KANK1: variants seen among roughly 807,000 people sequenced by gnomAD.
The protein encoded by KANK1 is KN motif and ankyrin repeat domain-containing protein 1.
Under a neutral mutation model 106.2 loss-of-function variants are expected in KANK1, and 109 were observed. The ratio of observed to expected loss-of-function variants is 1.03; its 90% CI spans 0.88 to 1.20. The LOEUF (loss-of-function observed/expected upper bound fraction) is 1.20, where lower values mean the gene tolerates loss of function less well. Ranked by LOEUF, KANK1 falls within the 50% of genes most tolerant of loss-of-function variation. The pLI is 0.00. For missense variants in KANK1, 2,399 were observed against 1,710.7 expected, an observed-to-expected ratio of 1.40 and a Z score of -7.10; for synonymous variants, 873 against 652.2, an observed-to-expected ratio of 1.34 and a Z score of -5.16.
chr9:641,610 G>A (rs986490972), intron 1 of KANK1, among the ~76,000 whole-genome samples: 3 of 152,170 alleles, frequency 2.0e-5, no homozygotes, highest in African/African-American at 7.2e-5. Context: ...AATCCTAACT[G>A]CAAGGAAGCG....
chr9:744,920 A>G (rs566169436), intron 11 of KANK1: 2 of 1,424,128 alleles, frequency 1.4e-6, no homozygotes, highest in East Asian at 2.6e-5. Flanking sequence ...CCTGAAGCAG[A>G]TGGCAGGCAG....
intron 2 of KANK1, chr9:684,420 A>C: frequency 1.0e-6 from 1 of 985,418 alleles, no homozygotes; most frequent in Non-Finnish European, 1.2e-6. Context: ...AAACACATAC[A>C]AAATAAACAC....
intron 1 of KANK1, among the ~76,000 whole-genome samples, chr9:527,488 A>G (rs750667761): frequency 5.9e-5 from 9 of 151,376 alleles, no homozygotes; most frequent in Non-Finnish European, 1.0e-4. Context: ...TTTGGTAGAG[A>G]TGGGGTTTCA....
intron 1 of KANK1, among the ~76,000 whole-genome samples, chr9:574,562 A>G (rs1274313053): frequency 6.6e-6 from 1 of 152,116 alleles, no homozygotes; most frequent in Non-Finnish European, 1.5e-5. Context: ...AATGTTTGAA[A>G]ATATTCTTTC....
At chr9:596,062 A>G (rs531395047) in intron 1 of KANK1, among the ~76,000 whole-genome samples, 10 of 151,924 alleles carry the variant, frequency 6.6e-5, no homozygotes, top group African/African-American at 2.4e-4. Context: ...CCTTATATAC[A>G]AAGACTGAAG....
chr9:661,172 C>T (rs1251955557), intron 1 of KANK1, among the ~76,000 whole-genome samples: 1 of 152,104 alleles, frequency 6.6e-6, no homozygotes, highest in Admixed American at 6.5e-5. Flanking sequence ...ATGTGCACAA[C>T]ATGCAGGCTT....
intron 2 of KANK1, among the ~76,000 whole-genome samples, chr9:700,036 G>C (rs1822260640): frequency 6.6e-6 from 1 of 152,130 alleles, no homozygotes; most frequent in South Asian, 2.1e-4. Context: ...ACCTGAAGAG[G>C]TATTGGTGAA....
At chr9:548,495 T>C (rs2061071994) in intron 1 of KANK1, among the ~76,000 whole-genome samples, 1 of 152,164 alleles carries the variant, frequency 6.6e-6, no homozygotes, top group Admixed American at 6.5e-5. Flanking sequence ...TAACGCTAAA[T>C]AGCAGGGGTG....
At chr9:668,546 C>T (rs1184648176) in intron 1 of KANK1, among the ~76,000 whole-genome samples, 5 of 152,056 alleles carry the variant, frequency 3.3e-5, no homozygotes, top group African/African-American at 1.2e-4. Flanking sequence ...TGTAACTCTT[C>T]TCCTCCTTTC....
At chr9:596,303 G>T (rs1286970867) in intron 1 of KANK1, among the ~76,000 whole-genome samples, 1 of 151,862 alleles carries the variant, frequency 6.6e-6, no homozygotes, top group Non-Finnish European at 1.5e-5. Context: ...CCACATCCCT[G>T]TGTATGGGCT....
intron 1 of KANK1, among the ~76,000 whole-genome samples, chr9:636,864 A>C (rs1053336910): frequency 1.3e-5 from 2 of 152,220 alleles, no homozygotes; most frequent in African/African-American, 4.8e-5. Flanking sequence ...ACTCCGTCTC[A>C]AAATAAAAAC....
chr9:560,736 G>T (rs1023032063), intron 1 of KANK1, among the ~76,000 whole-genome samples: 7 of 151,862 alleles, frequency 4.6e-5, no homozygotes, highest in African/African-American at 1.5e-4. Context: ...CTATCCCATT[G>T]TTGGGAGGGA....
upstream of KANK1, among the ~76,000 whole-genome samples, chr9:501,725 A>T (rs1031099994): frequency 2.8e-5 from 3 of 107,468 alleles, no homozygotes; most frequent in African/African-American, 3.0e-4. Context: ...TTACTTTTTA[A>T]AAAAATAGAG....
rs77625141 is a variant in KANK1 at position 744,222 on chromosome 9, CT to C, written c.3898-267del. 0.12 allele frequency among the ~76,000 whole-genome samples: 17,793 copies of C among 152,222 alleles called. 1,102 individuals are homozygous for C. Among genetic ancestry groups the C allele is most frequent in the Admixed American group, 0.17 (2,652 of 15,284 alleles). On this transcript the variant is annotated intron_variant, in intron 10 of 11. Coordinates refer to ENST00000382297, the MANE Select transcript of KANK1 (RefSeq NM_015158.5). Reference sequence around the variant, plus strand: ...AGAAAAAAAAACTTTCTATCCCCATCTTCTGCTTCCCCCTCCTGGTGGGCAG... The same window carrying C: ...AGAAAAAAAAACTTTCTATCCCCATCTCTGCTTCCCCCTCCTGGTGGGCAG...
chr9:550,002 G>A (rs1051549269), intron 1 of KANK1, among the ~76,000 whole-genome samples: 11 of 152,094 alleles, frequency 7.2e-5, no homozygotes, highest in African/African-American at 2.4e-4. Flanking sequence ...GGACACTGAG[G>A]TGGGTTTTGG....
At position 481,384 on chromosome 9, in the gene KANK1, C is replaced by T. The variant is rs372293277; in HGVS notation, c.-362+8111C>T. Among the ~76,000 whole-genome samples the T allele has an allele frequency of 1.2e-4, 18 of 152,216 alleles. No individual in the cohort carries two copies. The South Asian group carries it at 1.7e-3, about 14-fold the overall frequency. The stretch of plus-strand genomic sequence containing the variant: ...GCCTATGGATCAAGAGGATATTTGC[C>T]GCTCCTGGACTAGCAAATCCTTAAG... On this transcript the variant is annotated intron_variant, in intron 3 of 15. Transcript: ENST00000382303.
chr9:557,391 C>G (rs973829647), intron 1 of KANK1, among the ~76,000 whole-genome samples: 2 of 151,996 alleles, frequency 1.3e-5, no homozygotes, highest in African/African-American at 4.8e-5. Context: ...ATATAGTATT[C>G]TCTTTTGTGT....
At chr9:562,922 A>G (rs1816863806) in intron 1 of KANK1, among the ~76,000 whole-genome samples, 1 of 152,220 alleles carries the variant, frequency 6.6e-6, no homozygotes, top group South Asian at 2.1e-4. Context: ...TTAACACATT[A>G]GAGAGGCACC....
At chr9:739,573 A>T (rs920183990) in intron 8 of KANK1, among the ~76,000 whole-genome samples, 3 of 152,214 alleles carry the variant, frequency 2.0e-5, no homozygotes, top group Non-Finnish European at 4.4e-5. Context: ...TAGACTATAA[A>T]CAGAGCTGGT....
Sources: gnomAD v4.1 joint callset for allele counts (sites outside exome capture counted in the v4.1 genomes callset) on GRCh38, gnomAD v4.1.1 for gene constraint, MANE v1.5 for transcripts, NCBI Gene and HGNC (gene_info 2026-07-23, HGNC 2026-07-21) for gene names.